The following SETBP1 variants were observed in gnomAD, a reference collection of about 807,000 sequenced individuals.
SETBP1 encodes SET binding protein 1, also known as SET-binding protein.
SETBP1 carries 9 observed loss-of-function variants against 101.0 expected under a neutral mutation model. The ratio of observed to expected loss-of-function variants is 0.09; its 90% CI spans 0.05 to 0.16. SETBP1 has a LOEUF of 0.16. SETBP1 is among the 10% of genes least tolerant of loss of function. SETBP1 has a pLI of 1.00. For missense variants in SETBP1, 1,858 were observed against 2,033.8 expected, an observed-to-expected ratio of 0.91 and a Z score of 1.66; for synonymous variants, 818 against 788.5, an observed-to-expected ratio of 1.04 and a Z score of -0.63.
chr18:44,899,025 C>T (rs1404710572), intron 3 of SETBP1, among the ~76,000 whole-genome samples: 1 of 152,134 alleles, frequency 6.6e-6, no homozygotes, highest in Non-Finnish European at 1.5e-5. Context: ...GGTCTCATAT[C>T]GGGAGATACT....
At position 44,778,170 on chromosome 18, in the gene SETBP1, G is replaced by C. The variant is rs560147691; in HGVS notation, c.486+76338G>C. On this transcript the variant is annotated intron_variant, in intron 2 of 5. Transcript: ENST00000649279. ...GCTCAAGTCTGGAGGCATTGATACT[G>C]AGCTGGCCTTGTATGAAACCCACTT... is the stretch of plus-strand genomic sequence containing the variant. Among the ~76,000 whole-genome samples the C allele has an allele frequency of 5.3e-5, 8 of 152,268 alleles. No individual in the cohort carries two copies. The East Asian group carries it at 1.5e-3, about 29-fold the overall frequency.
intron 2 of SETBP1, among the ~76,000 whole-genome samples, chr18:44,830,386 A>G (rs1463878467): frequency 6.6e-6 from 1 of 152,220 alleles, no homozygotes; most frequent in Non-Finnish European, 1.5e-5. Context: ...TCAACCATAC[A>G]ATTTGAGGAC....
intron 2 of SETBP1, among the ~76,000 whole-genome samples, chr18:44,866,710 T>G (rs1369850745): frequency 6.6e-6 from 1 of 152,222 alleles, no homozygotes; most frequent in Non-Finnish European, 1.5e-5. Context: ...CAGGTCACTC[T>G]CATGCCCGTA....
intron 4 of SETBP1, among the ~76,000 whole-genome samples, chr18:45,031,174 C>G (rs1373125113): frequency 1.3e-5 from 2 of 152,130 alleles, no homozygotes; most frequent in Non-Finnish European, 2.9e-5. Flanking sequence ...TTTTCACTAA[C>G]TCTTCTCTTC....
chr18:44,866,751 T>C (rs1268641626), intron 2 of SETBP1, among the ~76,000 whole-genome samples: 1 of 152,218 alleles, frequency 6.6e-6, no homozygotes, highest in Non-Finnish European at 1.5e-5. Flanking sequence ...TTCCGTCCTT[T>C]CCAGCTCCAT....
chr18:44,731,187 C>A (rs571744418), intron 2 of SETBP1, among the ~76,000 whole-genome samples: 7 of 152,164 alleles, frequency 4.6e-5, no homozygotes, highest in Non-Finnish European at 2.9e-5. Flanking sequence ...CACATGGTAT[C>A]ATTCAGAGAG....
At chr18:44,908,121 C>T (rs1433970765) in intron 3 of SETBP1, among the ~76,000 whole-genome samples, 1 of 151,712 alleles carries the variant, frequency 6.6e-6, no homozygotes. Flanking sequence ...AGTGCAGTGG[C>T]GTGATCTCAG....
At chr18:44,693,690 T>C (rs79882221) in intron 1 of SETBP1, among the ~76,000 whole-genome samples, 2,910 of 152,318 alleles carry the variant, frequency 0.019, 92 homozygotes, top group African/African-American at 0.065. Context: ...GAGATTCTTA[T>C]AACTATAGGC....
intron 2 of SETBP1, among the ~76,000 whole-genome samples, chr18:44,864,452 G>C (rs1348519157): frequency 6.6e-6 from 1 of 152,100 alleles, no homozygotes; most frequent in Non-Finnish European, 1.5e-5. Context: ...GAGAGAGAGA[G>C]AGAAAATAAG....
intron 5 of SETBP1, among the ~76,000 whole-genome samples, chr18:45,054,462 AG>A (rs1426271860): frequency 3.3e-5 from 5 of 152,224 alleles, no homozygotes; most frequent in Admixed American, 2.6e-4. Flanking sequence ...CTGGGATTAC[AG>A]GCGTGAGCCA....
intron 2 of SETBP1, among the ~76,000 whole-genome samples, chr18:44,765,309 G>T (rs2070743153): frequency 6.6e-6 from 1 of 151,926 alleles, no homozygotes; most frequent in East Asian, 1.9e-4. Flanking sequence ...CAGAAGGAAA[G>T]AAGTTTTCCC....
At chr18:44,853,572 T>C (rs778116775) in intron 2 of SETBP1, among the ~76,000 whole-genome samples, 2 of 152,302 alleles carry the variant, frequency 1.3e-5, no homozygotes, top group Non-Finnish European at 2.9e-5. Context: ...TAAGAAGAGC[T>C]CATATCTGAA....
At chr18:44,913,214 C>A (rs919353985) in intron 3 of SETBP1, among the ~76,000 whole-genome samples, 1 of 152,170 alleles carries the variant, frequency 6.6e-6, no homozygotes, top group Non-Finnish European at 1.5e-5. Flanking sequence ...GCTTCCCATA[C>A]GCCCACAGAA....
chr18:44,862,090 G>A (rs2069027059), intron 2 of SETBP1, among the ~76,000 whole-genome samples: 1 of 152,150 alleles, frequency 6.6e-6, no homozygotes, highest in South Asian at 2.1e-4. Context: ...TGGACAGCAA[G>A]CAAATGTACA....
intron 4 of SETBP1, among the ~76,000 whole-genome samples, chr18:44,982,653 A>G (rs1470889870): frequency 6.6e-6 from 1 of 152,216 alleles, no homozygotes; most frequent in Non-Finnish European, 1.5e-5. Context: ...TCATTTATGT[A>G]TTTCTTCTGC....
intron 3 of SETBP1, among the ~76,000 whole-genome samples, chr18:44,911,800 A>T (rs1305955681): frequency 6.6e-6 from 1 of 152,208 alleles, no homozygotes; most frequent in Non-Finnish European, 1.5e-5. Context: ...CATATTTACC[A>T]GCACTTGACT....
intron 2 of SETBP1, among the ~76,000 whole-genome samples, chr18:44,862,802 G>C (rs768081472): frequency 6.6e-6 from 1 of 152,232 alleles, no homozygotes; most frequent in Non-Finnish European, 1.5e-5. Flanking sequence ...GGACAGAGGA[G>C]ATGGTGTCCC....
At chr18:44,733,671 T>A (rs2069891664) in intron 2 of SETBP1, among the ~76,000 whole-genome samples, 1 of 152,182 alleles carries the variant, frequency 6.6e-6, no homozygotes, top group Admixed American at 6.5e-5. Context: ...AAACCTCAAT[T>A]TCCCTTTTTG....
At chr18:44,809,882 T>A (rs115873672) in intron 2 of SETBP1, among the ~76,000 whole-genome samples, 1,562 of 152,092 alleles carry the variant, frequency 0.01, 24 homozygotes, top group African/African-American at 0.036. Context: ...TAGGAAAGAA[T>A]CTAATGCAGA....
Sources: allele counts gnomAD v4.1 joint callset (sites outside exome capture counted in the v4.1 genomes callset), GRCh38; gene constraint gnomAD v4.1.1; transcripts MANE v1.5; gene names NCBI Gene and HGNC (gene_info 2026-07-23, HGNC 2026-07-21).